The following ARPP21 variants were observed in gnomAD, a reference collection of about 807,000 sequenced individuals.
ARPP21 encodes cAMP-regulated phosphoprotein 21.
ARPP21 carries 69 observed loss-of-function variants against 113.2 expected under a neutral mutation model. The observed-to-expected ratio is 0.61, with a 90% confidence interval of 0.50 to 0.74. The LOEUF is 0.74. Among genes scored for constraint, ARPP21 ranks in the 30% least tolerant of loss-of-function variants. The pLI, the probability that ARPP21 is intolerant of heterozygous loss-of-function variation, is 0.00. For synonymous variants in ARPP21, 368 were observed against 375.5 expected (o/e 0.98, Z 0.23); for missense variants, 1,070 against 1,037.4 (o/e 1.03, Z -0.43).
chr3:35,743,987 T>G, intron 19 of ARPP21, 22 bp downstream of exon 19: 1 of 1,613,820 alleles, frequency 6.2e-7, no homozygotes, highest in Middle Eastern at 1.7e-4. Flanking sequence ...CTGTTTCCCA[T>G]TTGCTTCTCA....
At chr3:35,703,583 CT>C (rs1035656798) in intron 9 of ARPP21, among the ~76,000 whole-genome samples, 27 of 151,304 alleles carry the variant, frequency 1.8e-4, no homozygotes, top group African/African-American at 6.3e-4. Flanking sequence ...ATTTTCCATG[CT>C]TTTTTGATGA....
chr3:35,702,886 T>C (rs939054217), intron 9 of ARPP21, among the ~76,000 whole-genome samples: 1 of 151,878 alleles, frequency 6.6e-6, no homozygotes, highest in African/African-American at 2.4e-5. Flanking sequence ...ATTGAAAATT[T>C]TTGAAATATT....
chr3:35,776,313 T>C (rs1245056043), intron 19 of ARPP21, among the ~76,000 whole-genome samples: 6 of 152,168 alleles, frequency 3.9e-5, no homozygotes, highest in African/African-American at 1.4e-4. Context: ...ACTGGGAAAG[T>C]GGAAGATTCT....
At chr3:35,646,509 A>G (rs1257048875) in intron 1 of ARPP21, among the ~76,000 whole-genome samples, 1 of 152,126 alleles carries the variant, frequency 6.6e-6, no homozygotes, top group Non-Finnish European at 1.5e-5. Context: ...GCAAGCTTTA[A>G]CTACTCAATG....
At position 35,733,388 on chromosome 3, in the gene ARPP21, C is replaced by T. The variant is rs573872172; in HGVS notation, c.1460-3790C>T. ...ATTCTGCATTTAATCCTTTTCTCTGCGCCTGCTCTGCATTCAAAGTGCCCC... is the reference window on the plus strand; with the variant it reads ...ATTCTGCATTTAATCCTTTTCTCTGTGCCTGCTCTGCATTCAAAGTGCCCC... On this transcript the variant is annotated intron_variant, in intron 15 of 20. Coordinates refer to ENST00000684406, the MANE Select transcript of ARPP21 (RefSeq NM_001385562.1). Among the ~76,000 whole-genome samples, 12 of 152,236 alleles carry T rather than the reference C, an allele frequency of 7.9e-5. No homozygotes were observed. The South Asian group carries it at 8.3e-4, about 11-fold the overall frequency.
chr3:35,684,564 G>T (rs1448657731), intron 5 of ARPP21: 1 of 985,504 alleles, frequency 1.0e-6, no homozygotes, highest in Non-Finnish European at 1.2e-6. Context: ...TGCTGAAATT[G>T]TACTTATTTT....
intron 1 of ARPP21, among the ~76,000 whole-genome samples, chr3:35,679,134 A>G (rs1362914443): frequency 6.6e-6 from 1 of 151,896 alleles, no homozygotes; most frequent in Admixed American, 6.6e-5. Flanking sequence ...GGCAGTGGCA[A>G]TCCCGATGGG....
At chr3:35,770,997 G>T (rs570220203) in intron 19 of ARPP21, among the ~76,000 whole-genome samples, 2 of 152,238 alleles carry the variant, frequency 1.3e-5, no homozygotes, top group African/African-American at 2.4e-5. Context: ...GAGCTGGAAG[G>T]GTCATCCAGT....
chr3:35,682,714 T>A (rs772720911), intron 3 of ARPP21, 134 bp from the exon 4 acceptor site: 15 of 684,112 alleles, frequency 2.2e-5, no homozygotes, highest in Non-Finnish European at 3.2e-5. Context: ...CTGTTGCTAT[T>A]ATTATTGACT....
At chr3:35,728,199 C>T (rs2093677461) in intron 14 of ARPP21, among the ~76,000 whole-genome samples, 2 of 137,854 alleles carry the variant, frequency 1.5e-5, no homozygotes. Flanking sequence ...TGCCCACCAT[C>T]TATTTGATTC....
At chr3:35,751,266 A>G (rs996116552) in intron 19 of ARPP21, among the ~76,000 whole-genome samples, 18 of 152,070 alleles carry the variant, frequency 1.2e-4, no homozygotes, top group Admixed American at 9.8e-4. Flanking sequence ...ACCCTCCCCT[A>G]CTCCCAACTA....
At chr3:35,744,442 G>A (rs929372644) in intron 19 of ARPP21, 12 of 520,910 alleles carry the variant, frequency 2.3e-5, no homozygotes, top group Non-Finnish European at 4.3e-5. Flanking sequence ...TTTCATGATG[G>A]CCACATGCCT....
chr3:35,738,259 G>T lies in ARPP21; in HGVS notation c.1690G>T (p.Ala564Ser). The T allele has an allele frequency of 6.5e-7, 1 of 1,536,316 alleles. No individual in the cohort carries two copies. Among genetic ancestry groups the T allele is most frequent in the South Asian group, 1.2e-5 (1 of 84,056 alleles). The change falls in exon 17 of 21, where the codon GCA (alanine) becomes TCA (serine). Residue 564 changes from alanine to serine, a missense_variant. Ala to Ser is a moderately conservative substitution (Grantham distance 99, BLOSUM62 1). Transcript: ENST00000684406. ...QASSQSVQYPAVSFPPQHLLP... is the reference protein window; with the variant it reads ...QASSQSVQYPSVSFPPQHLLP... ...TTCCTCCCAGTCAGTGCAATATCCA[G>T]CAGTCTCTTTTCCTCCCCAGCACCT...
intron 19 of ARPP21, among the ~76,000 whole-genome samples, chr3:35,745,146 T>C (rs1026308833): frequency 1.7e-4 from 26 of 152,260 alleles, no homozygotes; most frequent in Non-Finnish European, 3.5e-4. Context: ...GAATTGACTT[T>C]AGACTTTTAC....
intron 9 of ARPP21, among the ~76,000 whole-genome samples, chr3:35,703,924 G>A (rs2087576002): frequency 6.6e-6 from 1 of 151,708 alleles, no homozygotes; most frequent in East Asian, 1.9e-4. Context: ...TAATATAATG[G>A]TACATTACCA....
chr3:35,756,795 T>C (rs183030405), intron 19 of ARPP21, among the ~76,000 whole-genome samples: 1 of 152,182 alleles, frequency 6.6e-6, no homozygotes, highest in East Asian at 1.9e-4. Context: ...GAATAAAAAA[T>C]AAATGGCAGA....
At chr3:35,760,401 C>G (rs2095725627) in intron 19 of ARPP21, among the ~76,000 whole-genome samples, 1 of 152,048 alleles carries the variant, frequency 6.6e-6, no homozygotes, top group South Asian at 2.1e-4. Context: ...CCATCTGGCT[C>G]TTTCTGCTAG....
intron 2 of ARPP21, 160 bp from the exon 3 acceptor site, chr3:35,681,554 A>G: frequency 1.8e-6 from 1 of 540,620 alleles, no homozygotes; most frequent in East Asian, 2.9e-5. Flanking sequence ...CCTCTTGTGC[A>G]TGCCTTGGGT....
intron 5 of ARPP21, chr3:35,685,099 C>T: frequency 2.0e-6 from 2 of 985,362 alleles, no homozygotes; most frequent in Non-Finnish European, 2.4e-6. Flanking sequence ...AGTAATGCCC[C>T]AGTTGTCCCC....
Sources: allele counts gnomAD v4.1 joint callset (sites outside exome capture counted in the v4.1 genomes callset), GRCh38; gene constraint gnomAD v4.1.1; transcripts MANE v1.5; gene names NCBI Gene and HGNC (gene_info 2026-07-23, HGNC 2026-07-21).